Variants in TSHZ2 observed in about 807,000 individuals in gnomAD.
TSHZ2 encodes the protein teashirt zinc finger homeobox 2, also known as teashirt homolog 2.
In TSHZ2, 21 loss-of-function variants were observed where a neutral mutation model predicts 74.4. That is an observed-to-expected ratio of 0.28 (90% CI 0.20 to 0.41). The LOEUF (loss-of-function observed/expected upper bound fraction) is 0.41. Among genes scored for constraint, TSHZ2 ranks in the 10% least tolerant of loss-of-function variants. The pLI, the probability that TSHZ2 is intolerant of heterozygous loss-of-function variation, is 1.00. For missense variants in TSHZ2, 1,244 were observed against 1,293.5 expected, an observed-to-expected ratio of 0.96 and a Z score of 0.59; for synonymous variants, 540 against 515.3, an observed-to-expected ratio of 1.05 and a Z score of -0.65.
At chr20:53,090,216 A>G in intron 1 of TSHZ2, among the ~76,000 whole-genome samples, 1 of 152,168 alleles carries the variant, frequency 6.6e-6, no homozygotes, top group Non-Finnish European at 1.5e-5. Flanking sequence ...GCTTTATTGT[A>G]GCTGTGCTGG....
At chr20:53,346,856 C>A (rs765162809) in intron 2 of TSHZ2, among the ~76,000 whole-genome samples, 5 of 152,172 alleles carry the variant, frequency 3.3e-5, no homozygotes, top group Non-Finnish European at 7.3e-5. Flanking sequence ...CAATACCTGC[C>A]CCCACAGATA....
intron 1 of TSHZ2, among the ~76,000 whole-genome samples, chr20:52,983,625 A>G (rs1981647371): frequency 6.6e-6 from 1 of 152,242 alleles, no homozygotes; most frequent in African/African-American, 2.4e-5. Context: ...TGTTCTTAGA[A>G]TATGTTTCAA....
At chr20:53,000,630 A>G (rs1982374742) in intron 1 of TSHZ2, among the ~76,000 whole-genome samples, 1 of 152,234 alleles carries the variant, frequency 6.6e-6, no homozygotes, top group African/African-American at 2.4e-5. Flanking sequence ...CAAGTTATAG[A>G]AATGGGATAA....
At chr20:53,293,378 G>A (rs911429065) in intron 2 of TSHZ2, among the ~76,000 whole-genome samples, 8 of 152,208 alleles carry the variant, frequency 5.3e-5, no homozygotes, top group Non-Finnish European at 8.8e-5. Flanking sequence ...CACGAGAATT[G>A]CTTGAACACA....
At chr20:53,164,948 C>A (rs1988031858) in intron 1 of TSHZ2, among the ~76,000 whole-genome samples, 1 of 152,168 alleles carries the variant, frequency 6.6e-6, no homozygotes, top group African/African-American at 2.4e-5. Context: ...ATGCAAGGAT[C>A]CTTGATTGAT....
intron 1 of TSHZ2, among the ~76,000 whole-genome samples, chr20:53,196,953 T>A (rs1988886137): frequency 6.6e-6 from 1 of 152,262 alleles, no homozygotes; most frequent in Non-Finnish European, 1.5e-5. Flanking sequence ...CTGGGACTTT[T>A]CTTTTTACAC....
intron 1 of TSHZ2, among the ~76,000 whole-genome samples, chr20:53,015,016 A>C (rs1201982067): frequency 6.6e-6 from 1 of 152,108 alleles, no homozygotes; most frequent in Non-Finnish European, 1.5e-5. Context: ...GAATAGCGCC[A>C]TTCCCTTGTT....
At chr20:53,246,036 C>CTTTTTTTT (rs201257665) in intron 1 of TSHZ2, among the ~76,000 whole-genome samples, 15 of 126,738 alleles carry the variant, frequency 1.2e-4, no homozygotes, top group African/African-American at 2.9e-4. Flanking sequence ...TTCTTTCTTT[C>CTTTTTTTT]TTTCTTTTTT....
intron 2 of TSHZ2, among the ~76,000 whole-genome samples, chr20:53,312,181 AAT>A (rs1435418716): frequency 3.9e-5 from 6 of 152,208 alleles, no homozygotes; most frequent in African/African-American, 1.4e-4. Context: ...GAGTGCAATA[AAT>A]ATGTCTCATA....
At chr20:53,465,832 A>C (rs1416122234) in intron 2 of TSHZ2, among the ~76,000 whole-genome samples, 3 of 152,194 alleles carry the variant, frequency 2.0e-5, no homozygotes, top group African/African-American at 7.2e-5. Flanking sequence ...CATTAAAATG[A>C]ATACAAACTC....
chr20:53,331,298 T>C (rs55892514), intron 2 of TSHZ2, among the ~76,000 whole-genome samples: 2,696 of 152,268 alleles, frequency 0.018, 82 homozygotes, highest in African/African-American at 0.062. Context: ...AGGTAGTAAC[T>C]AACCAGGGAG....
At chr20:53,260,680 A>G (rs1474777094) in intron 2 of TSHZ2, among the ~76,000 whole-genome samples, 2 of 152,218 alleles carry the variant, frequency 1.3e-5, no homozygotes, top group African/African-American at 4.8e-5. Context: ...TATGATGTGG[A>G]CATAATATCC....
chr20:53,194,405 A>G (rs1388724680), intron 1 of TSHZ2, among the ~76,000 whole-genome samples: 2 of 152,170 alleles, frequency 1.3e-5, no homozygotes, highest in Non-Finnish European at 2.9e-5. Context: ...CATTATTGGG[A>G]GAGTGAATGT....
chr20:53,148,172 T>C (rs1987590203), intron 1 of TSHZ2, among the ~76,000 whole-genome samples: 1 of 152,234 alleles, frequency 6.6e-6, no homozygotes, highest in Admixed American at 6.5e-5. Flanking sequence ...TTTAATTATC[T>C]ACGAACTTCA....
chr20:53,256,500 C>T lies in TSHZ2; in HGVS notation c.3042C>T (p.Ser1014=). ...AACATGCGGTAAAACTCCACCTAAG[C>T]AAAACGCACAGCAAGTCACCCGAAC... ...VSKHAVKLHL[S]KTHSKSPEHH... is the part of the protein sequence containing the mutation. Residue 1014 remains serine (S), a synonymous_variant, in exon 2 of 3, where the codon AGC becomes AGT. Transcript: ENST00000371497. This position sits in a 1 kb window ranked among gnomAD's most constrained non-coding sequence, Gnocchi z 4.3. 1 of 1,612,686 alleles carries T rather than the reference C, an allele frequency of 6.2e-7. No individual in the cohort carries two copies. The highest frequency in any genetic ancestry group is 1.1e-5 in the South Asian group (1 of 90,838).
At chr20:53,357,727 G>A (rs893813890) in intron 2 of TSHZ2, among the ~76,000 whole-genome samples, 2 of 152,048 alleles carry the variant, frequency 1.3e-5, no homozygotes, top group African/African-American at 4.8e-5. Context: ...ATTGTTCTTC[G>A]TCACTGAGGT....
intron 2 of TSHZ2, among the ~76,000 whole-genome samples, chr20:53,339,552 C>T (rs1314267586): frequency 6.6e-6 from 1 of 152,150 alleles, no homozygotes; most frequent in East Asian, 1.9e-4. Context: ...ATTTTCAGGG[C>T]CCAGTAAAAA....
At chr20:53,104,244 T>TG (rs1986298579) in intron 1 of TSHZ2, among the ~76,000 whole-genome samples, 1 of 65,572 alleles carries the variant, frequency 1.5e-5, no homozygotes, top group African/African-American at 6.1e-5. Flanking sequence ...GCAGGCAGAC[T>TG]GGGGGGTGGG....
chr20:53,086,266 C>T (rs1014044160), intron 1 of TSHZ2, among the ~76,000 whole-genome samples: 10 of 152,138 alleles, frequency 6.6e-5, no homozygotes, highest in Non-Finnish European at 1.2e-4. Flanking sequence ...AGTGGGATGT[C>T]GGAGAGGGTA....
Sources: allele counts gnomAD v4.1 joint callset (sites outside exome capture counted in the v4.1 genomes callset), GRCh38; gene constraint gnomAD v4.1.1; non-coding constraint Gnocchi (gnomAD v3.1); transcripts MANE v1.5; gene names NCBI Gene and HGNC (gene_info 2026-07-23, HGNC 2026-07-21).